The following SPOCK3 variants were observed in gnomAD, a reference collection of about 807,000 sequenced individuals.
The protein encoded by SPOCK3 is SPARC (osteonectin), cwcv and kazal like domains proteoglycan 3, also known as testican-3.
In SPOCK3, 30 loss-of-function variants were observed where a neutral mutation model predicts 56.6. The ratio of observed to expected loss-of-function variants is 0.53; its 90% CI spans 0.40 to 0.72. The LOEUF (loss-of-function observed/expected upper bound fraction) is 0.72, where lower values mean the gene tolerates loss of function less well. Among genes scored for constraint, SPOCK3 ranks in the 30% least tolerant of loss-of-function variants. SPOCK3 has a pLI of 0.00. For missense variants in SPOCK3, 527 were observed against 530.0 expected (o/e 0.99, Z 0.06); for synonymous variants, 196 against 183.3 (o/e 1.07, Z -0.56).
At chr4:167,207,064 A>G (rs1008061524) in intron 2 of SPOCK3, among the ~76,000 whole-genome samples, 3 of 152,108 alleles carry the variant, frequency 2.0e-5, no homozygotes, top group Admixed American at 1.3e-4. Flanking sequence ...GTACCCTATA[A>G]ACGTGCACAA....
chr4:166,841,570 T>C (rs902516829), intron 6 of SPOCK3, among the ~76,000 whole-genome samples: 2 of 152,250 alleles, frequency 1.3e-5, no homozygotes, highest in African/African-American at 4.8e-5. Context: ...TTTGTGTCTG[T>C]CACTTTTCAC....
chr4:167,162,700 A>T (rs188660296), intron 2 of SPOCK3, among the ~76,000 whole-genome samples: 25 of 152,102 alleles, frequency 1.6e-4, no homozygotes, highest in African/African-American at 6.0e-4. Context: ...GTCTGCCTCC[A>T]CTGCATAATT....
chr4:167,131,951 T>C (rs1762737053), intron 2 of SPOCK3, among the ~76,000 whole-genome samples: 1 of 152,210 alleles, frequency 6.6e-6, no homozygotes, highest in South Asian at 2.1e-4. Context: ...GTTGTTTCCC[T>C]GGAAAGTTTT....
chr4:167,055,285 A>T (rs1443188885), intron 3 of SPOCK3, among the ~76,000 whole-genome samples: 2 of 152,214 alleles, frequency 1.3e-5, no homozygotes, highest in African/African-American at 4.8e-5. Context: ...AGTTCAATAC[A>T]TTAATAAGCT....
At chr4:166,804,661 AAT>A (rs1742966624) in intron 6 of SPOCK3, among the ~76,000 whole-genome samples, 1 of 152,118 alleles carries the variant, frequency 6.6e-6, no homozygotes. Context: ...TGGAATCTTA[AAT>A]ATTACATTTC....
At chr4:167,149,528 T>A (rs1764233661) in intron 2 of SPOCK3, among the ~76,000 whole-genome samples, 1 of 152,082 alleles carries the variant, frequency 6.6e-6, no homozygotes, top group South Asian at 2.1e-4. Context: ...ATATAGATTC[T>A]CCTGTTGCTT....
At chr4:166,973,496 T>C (rs1745609836) in intron 4 of SPOCK3, among the ~76,000 whole-genome samples, 1 of 152,176 alleles carries the variant, frequency 6.6e-6, no homozygotes, top group South Asian at 2.1e-4. Flanking sequence ...TAGAAAGTAC[T>C]GAGTTCATTA....
chr4:166,958,794 G>A (rs761731193), intron 4 of SPOCK3, among the ~76,000 whole-genome samples: 7 of 152,126 alleles, frequency 4.6e-5, no homozygotes, highest in Admixed American at 1.3e-4. Context: ...GTCTGTGATG[G>A]CAAGCATTTT....
chr4:166,976,659 CCTT>C, intron 4 of SPOCK3, among the ~76,000 whole-genome samples: 1 of 152,124 alleles, frequency 6.6e-6, no homozygotes, highest in East Asian at 1.9e-4. Flanking sequence ...TCTCTGTCCT[CCTT>C]CTTTATTTTT....
At chr4:166,924,608 T>G (rs1738862550) in intron 4 of SPOCK3, among the ~76,000 whole-genome samples, 1 of 152,238 alleles carries the variant, frequency 6.6e-6, no homozygotes, top group Non-Finnish European at 1.5e-5. Flanking sequence ...TGTCTACACT[T>G]CCTAACTCCC....
At chr4:167,218,789 C>A (rs1172370850) in intron 2 of SPOCK3, among the ~76,000 whole-genome samples, 4 of 151,924 alleles carry the variant, frequency 2.6e-5, no homozygotes, top group African/African-American at 7.2e-5. Context: ...CTGAAATAAA[C>A]AATTTTAAAT....
At chr4:167,094,082 G>C (rs559206210) in intron 2 of SPOCK3, among the ~76,000 whole-genome samples, 125 of 152,178 alleles carry the variant, frequency 8.2e-4, no homozygotes, top group African/African-American at 2.9e-3. Context: ...ATATAAAATA[G>C]AGGTAAATTT....
At chr4:167,137,541 TA>T (rs1274723441) in intron 2 of SPOCK3, among the ~76,000 whole-genome samples, 1 of 151,976 alleles carries the variant, frequency 6.6e-6, no homozygotes, top group Non-Finnish European at 1.5e-5. Flanking sequence ...ATATGCTGTT[TA>T]AAATCTAAAA....
intron 6 of SPOCK3, among the ~76,000 whole-genome samples, chr4:166,813,016 C>T (rs553192914): frequency 2.0e-5 from 3 of 152,054 alleles, no homozygotes; most frequent in South Asian, 2.1e-4. Context: ...CATTTCATTG[C>T]ATAATTAACA....
intron 6 of SPOCK3, among the ~76,000 whole-genome samples, chr4:166,849,874 G>C (rs1478895512): frequency 6.6e-6 from 1 of 152,158 alleles, no homozygotes; most frequent in Non-Finnish European, 1.5e-5. Flanking sequence ...TTAGCATAAT[G>C]CCCTGAGGTT....
chr4:166,882,850 T>C (rs912685132), intron 6 of SPOCK3: 1 of 152,210 alleles, frequency 6.6e-6, no homozygotes, highest in African/African-American at 2.4e-5. Flanking sequence ...TCCAAGAATG[T>C]ATTTCAAATA....
rs199524426 is a variant in SPOCK3, at chr4:167,058,692, A to T, written c.235+3800T>A. Among the ~76,000 whole-genome samples, 41 of 152,306 alleles carry T rather than the reference A, an allele frequency of 2.7e-4. 2 individuals carry two copies. The East Asian group carries it at 7.7e-3, about 29-fold the overall frequency. ...AACCAAAAAAGAGCCCGCATCGCCA[A>T]GTCAATCCTAAGCCAAATGAACAAA... On this transcript the variant is annotated intron_variant, in intron 3 of 10. Coordinates refer to ENST00000357545, the MANE Select transcript of SPOCK3 (RefSeq NM_001040159.2).
chr4:166,749,808 GTA>G (rs1410427732), intron 8 of SPOCK3, among the ~76,000 whole-genome samples: 4 of 151,928 alleles, frequency 2.6e-5, no homozygotes, highest in African/African-American at 7.3e-5. Flanking sequence ...GAATCATATT[GTA>G]TAGTTTTTTA....
chr4:166,745,475 G>A (rs1187630407), intron 8 of SPOCK3, among the ~76,000 whole-genome samples: 1 of 152,140 alleles, frequency 6.6e-6, no homozygotes, highest in African/African-American at 2.4e-5. Flanking sequence ...CCTTATAAGA[G>A]CTCCTGAAGA....
Sources: gnomAD v4.1 joint callset for allele counts (sites outside exome capture counted in the v4.1 genomes callset) on GRCh38, gnomAD v4.1.1 for gene constraint, MANE v1.5 for transcripts, NCBI Gene and HGNC (gene_info 2026-07-23, HGNC 2026-07-21) for gene names.